The following CCDC149 variants were observed in gnomAD, a reference collection of about 807,000 sequenced individuals.
CCDC149 encodes coiled-coil domain containing 149.
In CCDC149, 45 loss-of-function variants were observed where a neutral mutation model predicts 59.9. The observed-to-expected ratio is 0.75, with a 90% confidence interval of 0.59 to 0.96. The LOEUF (loss-of-function observed/expected upper bound fraction) is 0.96. Among genes scored for constraint, CCDC149 ranks in the 40% least tolerant of loss-of-function variants. The pLI is 0.00. For synonymous variants in CCDC149, 245 were observed against 260.6 expected (o/e 0.94, Z 0.58); for missense variants, 584 against 664.7 (o/e 0.88, Z 1.33).
At chr4:24,876,509 C>A in intron 2 of CCDC149, 27 bp downstream of exon 2, 1 of 1,582,698 alleles carries the variant, frequency 6.3e-7, no homozygotes, top group South Asian at 1.1e-5. Flanking sequence ...ACAGGAAAGT[C>A]GCTGAACAGG....
intron 9 of CCDC149, chr4:24,828,665 C>G (rs941525207): frequency 2.0e-5 from 3 of 151,932 alleles, no homozygotes; most frequent in Non-Finnish European, 4.4e-5. Context: ...CCTGTGGTCC[C>G]AGCTACAAGG....
At position 24,834,949 on chromosome 4, in the gene CCDC149, T is replaced by C; in HGVS notation, c.819A>G (p.Gln273=). 1 of 1,610,834 alleles carries C rather than the reference T, an allele frequency of 6.2e-7. No individual in the cohort carries two copies. The highest frequency in any genetic ancestry group is 1.3e-5 in the African/African-American group (1 of 74,962). The change falls in exon 8 of 13, where the codon CAA becomes CAG. Residue 273 remains glutamine (Q), a splice_region_variant and synonymous_variant. Transcript: ENST00000635206. ...CTCTCCTGGAGCATGATATCCTACC[T>C]TGCTTTGCAGACAGGACTCCTGTCA...
intron 1 of CCDC149, among the ~76,000 whole-genome samples, chr4:24,958,883 G>A (rs1723550468): frequency 2.0e-5 from 3 of 152,002 alleles, no homozygotes; most frequent in African/African-American, 7.2e-5. Context: ...ATTATAGCCA[G>A]GTGTGGTGGC....
chr4:24,909,323 G>C (rs951426824), intron 1 of CCDC149, among the ~76,000 whole-genome samples: 3 of 152,164 alleles, frequency 2.0e-5, no homozygotes, highest in African/African-American at 7.2e-5. Flanking sequence ...CAGATTAGCT[G>C]TGCAGTGATG....
At chr4:24,931,331 A>ATATATATATATATCTC (rs1394185015) in intron 1 of CCDC149, among the ~76,000 whole-genome samples, 1 of 147,524 alleles carries the variant, frequency 6.8e-6, no homozygotes, top group African/African-American at 2.5e-5. Flanking sequence ...ATATATATAT[A>ATATATATATATATCTC]TCTCAGTACA....
At chr4:24,969,282 G>C (rs556111251) in intron 1 of CCDC149, among the ~76,000 whole-genome samples, 4 of 152,296 alleles carry the variant, frequency 2.6e-5, no homozygotes, top group South Asian at 2.1e-4. Flanking sequence ...ATATGCATGC[G>C]CTAACAGCTG....
Position 24,836,438 on chromosome 4 carries a change from T to C in CCDC149, c.733A>G (p.Lys245Glu). The C allele has an allele frequency of 6.2e-7, 1 of 1,602,912 alleles. No individual in the cohort carries two copies. ...CACTGTCATCATGATTTTGCTACCT[T>C]GTATTTGGCAATGTTTGATTTCAAG... The change falls in exon 7 of 13, where the codon AAG (lysine) becomes GAG (glutamate). Residue 245 changes from lysine (K) to glutamate (E), a missense_variant and splice_region_variant. Transcript: ENST00000635206.
At chr4:24,849,135 G>A (rs898373380) in intron 4 of CCDC149, among the ~76,000 whole-genome samples, 3 of 152,122 alleles carry the variant, frequency 2.0e-5, no homozygotes, top group African/African-American at 7.2e-5. Context: ...ACGCCCAGAA[G>A]AGGAAGCAGG....
intron 3 of CCDC149, among the ~76,000 whole-genome samples, chr4:24,870,440 A>T (rs1718970654): frequency 6.6e-6 from 1 of 152,158 alleles, no homozygotes. Context: ...TTGCACCCTG[A>T]AGCATCCTAT....
intron 1 of CCDC149, among the ~76,000 whole-genome samples, chr4:24,879,517 CAAAA>C (rs34213743): frequency 5.2e-5 from 6 of 115,942 alleles, no homozygotes; most frequent in African/African-American, 6.4e-5. Flanking sequence ...ACTCTTGTCT[CAAAA>C]AAAAAAAAAA....
rs557931731 is a variant in CCDC149, at chr4:24,894,385, G to A, written c.64-17688C>T. ...CTAAACTGAGAGAGGGTGAAGAGAG[G>A]CAGGTTTCCAAGTGTGCACTGTTAA... On this transcript the variant is annotated intron_variant, in intron 1 of 12. Transcript: ENST00000635206. Among the ~76,000 whole-genome samples the A allele has an allele frequency of 9.0e-4, 137 of 152,232 alleles. No individual in the cohort carries two copies. In the South Asian group the frequency reaches 9.1e-3, roughly 10 times the overall value.
intron 8 of CCDC149, 59 bp downstream of exon 8, chr4:24,834,889 G>T: frequency 7.7e-7 from 1 of 1,297,828 alleles, no homozygotes; most frequent in Non-Finnish European, 1.1e-6. Context: ...TGGGATGTGG[G>T]CTTGCAGCTC....
At position 24,821,094 on chromosome 4, in the gene CCDC149, G is replaced by A; in HGVS notation, c.1043-7C>T. On this transcript the variant is annotated splice_polypyrimidine_tract_variant and splice_region_variant and intron_variant, in intron 10 of 12. Coordinates refer to ENST00000635206, the MANE Select transcript of CCDC149 (RefSeq NM_001330643.2). ...GAAACATTGTAGCTCAGGCCTTCAG[G>A]CAGCAAAAAGAAAAAAAGGAAATAA... The A allele has an allele frequency of 1.6e-6, 2 of 1,230,510 alleles. No homozygotes were observed. Among genetic ancestry groups the A allele is most frequent in the Non-Finnish European group, 2.0e-6 (2 of 987,054 alleles). 76.2% of individuals were successfully genotyped at this position (1,230,510 alleles called of 1,614,324 possible). A position where few individuals can be genotyped will look rare whatever the true frequency, so the allele number is the denominator to read the frequency against.
chr4:24,971,089 C>T (rs1173004661), intron 1 of CCDC149, among the ~76,000 whole-genome samples: 1 of 152,190 alleles, frequency 6.6e-6, no homozygotes, highest in Non-Finnish European at 1.5e-5. Context: ...TACCTTTATC[C>T]CTGACAATTG....
chr4:24,959,507 G>C (rs944363652), intron 1 of CCDC149, among the ~76,000 whole-genome samples: 1 of 151,874 alleles, frequency 6.6e-6, no homozygotes, highest in Non-Finnish European at 1.5e-5. Flanking sequence ...AAAAAAATTT[G>C]AATAAACGAT....
intron 1 of CCDC149, 58 bp from the exon 2 acceptor site, chr4:24,876,755 C>T: frequency 1.3e-6 from 2 of 1,515,472 alleles, no homozygotes; most frequent in Non-Finnish European, 8.9e-7. Flanking sequence ...CTCCATTAAA[C>T]ACACACCGTA....
chr4:24,894,168 T>C (rs1720708438), intron 1 of CCDC149, among the ~76,000 whole-genome samples: 1 of 152,204 alleles, frequency 6.6e-6, no homozygotes, highest in African/African-American at 2.4e-5. Context: ...TAAAAAGTGC[T>C]CAATGAATGT....
rs577053213 is a variant in CCDC149, at chr4:24,887,221, G to A, written c.64-10524C>T. On this transcript the variant is annotated intron_variant, in intron 1 of 12. Coordinates refer to ENST00000635206, the MANE Select transcript of CCDC149 (RefSeq NM_001330643.2). ...TCTGACATACTACATTACTATTTGGGTGGCTTTATAGCCAGATAGCTGCTG... is the reference window on the plus strand; with the variant it reads ...TCTGACATACTACATTACTATTTGGATGGCTTTATAGCCAGATAGCTGCTG... Among the ~76,000 whole-genome samples the A allele has an allele frequency of 3.4e-5, 5 of 147,916 alleles. No homozygotes were observed. The South Asian group carries it at 1.1e-3, about 33-fold the overall frequency.
intron 9 of CCDC149, chr4:24,823,182 C>T (rs914245702): frequency 6.6e-6 from 1 of 152,036 alleles, no homozygotes; most frequent in African/African-American, 2.4e-5. Context: ...TCATAATTAG[C>T]TATGGGAAGA....
Sources: allele counts gnomAD v4.1 joint callset (sites outside exome capture counted in the v4.1 genomes callset), GRCh38; gene constraint gnomAD v4.1.1; transcripts MANE v1.5; gene names NCBI Gene and HGNC (gene_info 2026-07-23, HGNC 2026-07-21).